MYOF: variants seen among roughly 807,000 people sequenced by gnomAD.
MYOF encodes fer-1-like 3, myoferlin.
MYOF carries 244 observed loss-of-function variants against 284.2 expected under a neutral mutation model. The observed-to-expected ratio is 0.86, with a 90% CI of 0.77 to 0.95. The LOEUF is 0.95. Among genes scored for constraint, MYOF ranks in the 40% least tolerant of loss-of-function variants. The pLI, the probability that MYOF is intolerant of heterozygous loss-of-function variation, is 0.00. For missense variants in MYOF, 2,496 were observed against 2,560.6 expected (o/e 0.97, Z 0.54); for synonymous variants, 904 against 919.7 (o/e 0.98, Z 0.31).
chr10:93,423,702 G>A (rs1273978048), intron 5 of MYOF, among the ~76,000 whole-genome samples: 3 of 151,590 alleles, frequency 2.0e-5, no homozygotes, highest in Non-Finnish European at 4.4e-5. Flanking sequence ...ACGTGGTGGC[G>A]GGCGCCTATA....
intron 37 of MYOF, among the ~76,000 whole-genome samples, chr10:93,345,127 C>T (rs787697): frequency 0.4 from 60,854 of 151,996 alleles, 13,368 homozygotes; most frequent in Middle Eastern, 0.55. Flanking sequence ...GAACTTTCTG[C>T]TTAACCACCC....
chr10:93,389,616 AAG>A (rs1564675288), intron 17 of MYOF, among the ~76,000 whole-genome samples: 1 of 152,250 alleles, frequency 6.6e-6, no homozygotes, highest in African/African-American at 2.4e-5. Flanking sequence ...TTAAAAATAT[AAG>A]ACATTTTTAA....
At chr10:93,438,312 T>A (rs958025264) in intron 3 of MYOF, among the ~76,000 whole-genome samples, 1 of 152,154 alleles carries the variant, frequency 6.6e-6, no homozygotes, top group African/African-American at 2.4e-5. Context: ...GCTAACTCAG[T>A]CCTGAATGAA....
At chr10:93,400,087 C>T (rs76911159) in intron 12 of MYOF, among the ~76,000 whole-genome samples, 25,489 of 151,998 alleles carry the variant, frequency 0.17, 2,818 homozygotes, top group African/African-American at 0.32. Context: ...AAAAATACAA[C>T]AAAGTTCATT....
At chr10:93,326,082 C>A in intron 45 of MYOF, 117 bp from the exon 46 acceptor site, 1 of 1,300,532 alleles carries the variant, frequency 7.7e-7, no homozygotes, top group Non-Finnish European at 1.1e-6. Context: ...CAGGCAGTGC[C>A]AACATGCAAA....
At chr10:93,334,117 G>A (rs1843483821) in intron 41 of MYOF, among the ~76,000 whole-genome samples, 1 of 152,188 alleles carries the variant, frequency 6.6e-6, no homozygotes, top group African/African-American at 2.4e-5. Context: ...GCTCACAGGG[G>A]AGAAGAGAGG....
chr10:93,317,049 C>T (rs2133740700), intron 49 of MYOF, among the ~76,000 whole-genome samples: 1 of 150,918 alleles, frequency 6.6e-6, no homozygotes, highest in African/African-American at 2.4e-5. Flanking sequence ...CTGCCATGTC[C>T]CTATCAGTGT....
chr10:93,311,270 T>C lies in MYOF; in HGVS notation c.5890-627A>G, dbSNP rs142168772. 9.3e-3 allele frequency among the ~76,000 whole-genome samples: 1,412 copies of C among 152,276 alleles called. 12 individuals carry two copies. Among genetic ancestry groups the C allele is most frequent in the Non-Finnish European group, 0.013 (861 of 68,022 alleles). The stretch of plus-strand genomic sequence containing the variant: ...TACAAAGGTACTATTATTGTCCTCA[T>C]GTGCAAATGAGAACAGTGAGGCCAA... On this transcript the variant is annotated intron_variant, in intron 51 of 53. Coordinates refer to ENST00000359263, the MANE Select transcript of MYOF (RefSeq NM_013451.4).
In MYOF at chr10:93,409,804, G is replaced by C. The variant is rs192898859; in HGVS notation, c.434-65C>G. On this transcript the variant is annotated intron_variant, in intron 5 of 53. Transcript: ENST00000359263. ...ATCCTGTAAATGTCCAAAGGCTCAG[G>C]TTTCCAGGACACGGTTTTGTCTGCC... 11,831 of 1,574,404 alleles carry C rather than the reference G, an allele frequency of 7.5e-3. 62 individuals are homozygous for C. The highest frequency in any genetic ancestry group is 8.9e-3 in the Non-Finnish European group (10,321 of 1,160,532).
chr10:93,397,291 C>T lies in MYOF; in HGVS notation c.1291-1G>A. The T allele has an allele frequency of 1.2e-6, 2 of 1,601,236 alleles. No individual in the cohort carries two copies. The highest frequency in any genetic ancestry group is 1.1e-5 in the South Asian group (1 of 89,520). On this transcript the variant is annotated splice_acceptor_variant, in intron 14 of 53. Transcript: ENST00000359263. LOFTEE classifies it high-confidence loss of function. ...TTATTTTTTCACACACTGAAGGAAA[C>T]TAAAAAAATGAGACAGAAAAAAGTA...
chr10:93,345,590 A>G (rs1844152570), intron 37 of MYOF, among the ~76,000 whole-genome samples: 1 of 152,226 alleles, frequency 6.6e-6, no homozygotes, highest in Non-Finnish European at 1.5e-5. Context: ...AGATCCTGAC[A>G]AGTCCAACAG....
intron 25 of MYOF, among the ~76,000 whole-genome samples, chr10:93,368,827 T>C (rs1374406693): frequency 1.3e-5 from 2 of 152,204 alleles, no homozygotes; most frequent in African/African-American, 2.4e-5. Context: ...ATGATGACAG[T>C]CTTCACCTCA....
chr10:93,472,759 C>T (rs1484206205), intron 1 of MYOF, among the ~76,000 whole-genome samples: 1 of 152,244 alleles, frequency 6.6e-6, no homozygotes, highest in African/African-American at 2.4e-5. Flanking sequence ...TTGGCAATGC[C>T]TTCAAGCTGT....
intron 1 of MYOF, among the ~76,000 whole-genome samples, chr10:93,466,182 C>A (rs2057005366): frequency 6.6e-6 from 1 of 152,218 alleles, no homozygotes; most frequent in South Asian, 2.1e-4. Context: ...ATCAGGTGGA[C>A]CCCTCTCCAG....
chr10:93,480,598 C>G lies in MYOF; in HGVS notation c.88+1509G>C, dbSNP rs373231405. On this transcript the variant is annotated intron_variant, in intron 1 of 53. Transcript: ENST00000359263. ...TGAAGCAATCCTCCTGCCTCAGCCT[C>G]CCGAGTAGCTGGGATTATAGGCATG... Among the ~76,000 whole-genome samples, 204 of 151,654 alleles carry G rather than the reference C, an allele frequency of 1.3e-3. 3 individuals carry two copies. The highest frequency in any genetic ancestry group is 4.8e-3 in the African/African-American group (200 of 41,314).
At chr10:93,349,318 G>A (rs1392111821) in intron 36 of MYOF, among the ~76,000 whole-genome samples, 1 of 152,206 alleles carries the variant, frequency 6.6e-6, no homozygotes, top group Non-Finnish European at 1.5e-5. Flanking sequence ...CAAAGAAGGT[G>A]CCATCCCAGG....
chr10:93,442,512 A>G (rs1476552363), intron 3 of MYOF, among the ~76,000 whole-genome samples: 1 of 141,868 alleles, frequency 7.0e-6, no homozygotes, highest in East Asian at 1.9e-4. Flanking sequence ...CTTACACAAG[A>G]ACTGGAATAC....
intron 3 of MYOF, among the ~76,000 whole-genome samples, chr10:93,445,405 T>C (rs565958713): frequency 7.9e-5 from 12 of 152,370 alleles, no homozygotes; most frequent in African/African-American, 2.6e-4. Context: ...GCTATAACCA[T>C]TGGCTGCCTG....
chr10:93,350,116 GT>G, intron 35 of MYOF, 147 bp from the exon 36 acceptor site: 1 of 836,232 alleles, frequency 1.2e-6, no homozygotes, highest in Non-Finnish European at 1.8e-6. Flanking sequence ...TCCAAAGAAA[GT>G]GGTTTTGCCC....
Sources: gnomAD v4.1 joint callset for allele counts (sites outside exome capture counted in the v4.1 genomes callset) on GRCh38, gnomAD v4.1.1 for gene constraint, MANE v1.5 for transcripts, NCBI Gene and HGNC (gene_info 2026-07-23, HGNC 2026-07-21) for gene names.